NEO1: variants seen among roughly 807,000 people sequenced by gnomAD.
NEO1 encodes the protein neogenin.
In NEO1, 63 loss-of-function variants were observed where a neutral mutation model predicts 159.7. The observed-to-expected ratio is 0.39, with a 90% confidence interval of 0.32 to 0.49. The LOEUF (loss-of-function observed/expected upper bound fraction) is 0.49, where lower values mean the gene tolerates loss of function less well. Ranked by LOEUF, NEO1 falls within the 20% of genes least tolerant of loss-of-function variation. The pLI, the probability that NEO1 is intolerant of heterozygous loss-of-function variation, is 0.85. For synonymous variants in NEO1, 633 were observed against 662.0 expected (o/e 0.96, Z 0.67); for missense variants, 1,615 against 1,831.0 (o/e 0.88, Z 2.15).
intron 8 of NEO1, among the ~76,000 whole-genome samples, chr15:73,237,078 A>G (rs1018656777): frequency 6.6e-6 from 1 of 152,098 alleles, no homozygotes; most frequent in Non-Finnish European, 1.5e-5. Context: ...TTTTTCCCCA[A>G]TGTAACTGAC....
At chr15:73,128,559 T>A (rs1339445721) in intron 4 of NEO1, among the ~76,000 whole-genome samples, 1 of 152,036 alleles carries the variant, frequency 6.6e-6, no homozygotes, top group Non-Finnish European at 1.5e-5. Context: ...GGGAATAGAG[T>A]AGTGAACCAA....
Position 73,282,789 on chromosome 15 carries a change from G to C in NEO1, c.3263-175G>C, listed in dbSNP as rs138854324. ...CTGTTCATAGGACAGACTCTTAGCT[G>C]TCTAGGAGCTCATCATCTAGAGAAG... is the stretch of plus-strand genomic sequence containing the variant. On this transcript the variant is annotated intron_variant, in intron 22 of 28. Coordinates refer to ENST00000261908, the MANE Select transcript of NEO1 (RefSeq NM_002499.4). Among the ~76,000 whole-genome samples, 12 of 152,354 alleles carry C rather than the reference G, an allele frequency of 7.9e-5. No individual in the cohort carries two copies. In the East Asian group the frequency reaches 2.1e-3, roughly 27 times the overall value.
intron 7 of NEO1, among the ~76,000 whole-genome samples, chr15:73,221,275 G>A (rs1489245764): frequency 1.3e-5 from 2 of 152,162 alleles, no homozygotes; most frequent in African/African-American, 4.8e-5. Flanking sequence ...CTGTCTGATT[G>A]TTCCTCTGGA....
chr15:73,080,832 G>A (rs2069010089), intron 1 of NEO1, among the ~76,000 whole-genome samples: 1 of 151,988 alleles, frequency 6.6e-6, no homozygotes, highest in Non-Finnish European at 1.5e-5. Flanking sequence ...GGAGGGAAAG[G>A]TGTGCTGCAG....
At chr15:73,128,435 A>G (rs2030622151) in intron 4 of NEO1, among the ~76,000 whole-genome samples, 1 of 152,178 alleles carries the variant, frequency 6.6e-6, no homozygotes, top group Non-Finnish European at 1.5e-5. Flanking sequence ...ACTTATATAT[A>G]ATGATTTTTT....
intron 1 of NEO1, among the ~76,000 whole-genome samples, chr15:73,111,955 A>G (rs2071018074): frequency 6.6e-6 from 1 of 152,060 alleles, no homozygotes; most frequent in African/African-American, 2.4e-5. Context: ...TTATAAGTGG[A>G]TTATACATAC....
intron 13 of NEO1, among the ~76,000 whole-genome samples, chr15:73,257,961 G>GGGCA (rs1463592869): frequency 6.6e-6 from 1 of 152,114 alleles, no homozygotes; most frequent in African/African-American, 2.4e-5. Context: ...TTGCTTTGTG[G>GGGCA]GGCACACAGA....
At chr15:73,266,166 T>C in intron 15 of NEO1, 150 bp from the exon 16 acceptor site, 1 of 595,226 alleles carries the variant, frequency 1.7e-6, no homozygotes, top group African/African-American at 1.9e-5. Flanking sequence ...TCCATCTCCA[T>C]ATCTCCCTAC....
intron 1 of NEO1, among the ~76,000 whole-genome samples, chr15:73,097,651 A>G (rs903079209): frequency 7.9e-5 from 12 of 151,912 alleles, no homozygotes; most frequent in East Asian, 7.8e-4. Context: ...GCGAGCCACT[A>G]TGCCCAGCCC....
chr15:73,066,217 G>T (rs2068212099), intron 1 of NEO1, among the ~76,000 whole-genome samples: 1 of 89,342 alleles, frequency 1.1e-5, no homozygotes, highest in Admixed American at 1.3e-4. Flanking sequence ...AGTAGTGACG[G>T]GGTTTCATCG....
intron 3 of NEO1, among the ~76,000 whole-genome samples, chr15:73,123,864 C>A (rs1596062995): frequency 6.6e-6 from 1 of 152,140 alleles, no homozygotes; most frequent in Non-Finnish European, 1.5e-5. Context: ...CATTTTTAAT[C>A]TATGGACTGG....
At chr15:73,295,989 G>C (rs1466737117) in intron 26 of NEO1, among the ~76,000 whole-genome samples, 2 of 152,194 alleles carry the variant, frequency 1.3e-5, no homozygotes, top group African/African-American at 4.8e-5. Flanking sequence ...CAGTGATTTT[G>C]CACACTGTCA....
intron 2 of NEO1, 145 bp downstream of exon 2, chr15:73,117,002 C>A: frequency 3.2e-6 from 2 of 634,616 alleles, no homozygotes; most frequent in African/African-American, 1.8e-5. Context: ...ATATACTCTG[C>A]GTATGGGACC....
chr15:73,252,950 A>G (rs1339495864), intron 11 of NEO1, among the ~76,000 whole-genome samples: 5 of 152,186 alleles, frequency 3.3e-5, no homozygotes. Context: ...ACATCACGCC[A>G]TTGTGCTCCA....
chr15:73,203,722 T>C (rs773038466), intron 7 of NEO1, among the ~76,000 whole-genome samples: 11 of 152,132 alleles, frequency 7.2e-5, no homozygotes, highest in Non-Finnish European at 1.5e-4. Context: ...TCATTTGTAC[T>C]ATAGGTATTT....
At chr15:73,291,994 T>TA (rs2042181106) in intron 25 of NEO1, among the ~76,000 whole-genome samples, 1 of 152,150 alleles carries the variant, frequency 6.6e-6, no homozygotes, top group African/African-American at 2.4e-5. Context: ...ACTCCCCAGT[T>TA]ACCTCAAGAG....
intron 23 of NEO1, among the ~76,000 whole-genome samples, chr15:73,286,092 G>T (rs2041937156): frequency 2.2e-5 from 1 of 44,934 alleles, no homozygotes; most frequent in Admixed American, 3.5e-4. Context: ...CCCCCTGTAT[G>T]GTCCTTTTCA....
At chr15:73,115,951 A>G (rs1002881399) in intron 1 of NEO1, among the ~76,000 whole-genome samples, 1 of 152,242 alleles carries the variant, frequency 6.6e-6, no homozygotes, top group Non-Finnish European at 1.5e-5. Context: ...AGACCTAAGT[A>G]TAACTATGTT....
intron 7 of NEO1, among the ~76,000 whole-genome samples, chr15:73,180,796 C>T (rs771163811): frequency 3.3e-5 from 5 of 151,938 alleles, no homozygotes; most frequent in African/African-American, 4.8e-5. Context: ...TTTTTAGTGA[C>T]GTTATTGGGC....
Sources: allele counts gnomAD v4.1 joint callset (sites outside exome capture counted in the v4.1 genomes callset), GRCh38; gene constraint gnomAD v4.1.1; transcripts MANE v1.5; gene names NCBI Gene and HGNC (gene_info 2026-07-23, HGNC 2026-07-21).